Variants in TMEM117 observed in about 807,000 individuals in gnomAD.
TMEM117 encodes the protein transmembrane protein 117.
Under a neutral mutation model 52.4 loss-of-function variants are expected in TMEM117, and 27 were observed. The observed-to-expected ratio is 0.51, with a 90% CI of 0.38 to 0.71. The LOEUF (loss-of-function observed/expected upper bound fraction) is 0.71, where lower values mean the gene tolerates loss of function less well. TMEM117 is among the 30% of genes least tolerant of loss of function. TMEM117 has a pLI of 0.00. For synonymous variants in TMEM117, 215 were observed against 206.3 expected (o/e 1.04, Z -0.36); for missense variants, 556 against 630.5 (o/e 0.88, Z 1.26).
chr12:44,142,364 A>G lies in TMEM117; in HGVS notation c.411-1161A>G, dbSNP rs569312247. Among the ~76,000 whole-genome samples the G allele has an allele frequency of 1.1e-4, 17 of 152,310 alleles. No homozygotes were observed. The East Asian group carries it at 3.3e-3, about 29-fold the overall frequency. The stretch of plus-strand genomic sequence containing the variant: ...AAGGTAGGTGAATGAAGTCTGTTGA[A>G]AAAGAGTTATGTTAAGAATTTTTAA... On this transcript the variant is annotated intron_variant, in intron 3 of 7. Coordinates refer to ENST00000266534, the MANE Select transcript of TMEM117 (RefSeq NM_032256.3).
intron 3 of TMEM117, among the ~76,000 whole-genome samples, chr12:44,002,327 G>C (rs1374321792): frequency 2.0e-5 from 3 of 152,196 alleles, no homozygotes; most frequent in Admixed American, 6.5e-5. Context: ...GGAGGCCTTG[G>C]AGATGGGCAG....
intron 2 of TMEM117, among the ~76,000 whole-genome samples, chr12:43,907,776 C>T (rs1402259305): frequency 6.7e-5 from 10 of 148,646 alleles, no homozygotes; most frequent in South Asian, 2.2e-4. Context: ...TGAAATGAAG[C>T]AAGAAGGGAA....
intron 3 of TMEM117, among the ~76,000 whole-genome samples, chr12:44,069,383 A>G (rs1051151946): frequency 1.3e-5 from 2 of 152,210 alleles, no homozygotes; most frequent in Admixed American, 6.5e-5. Flanking sequence ...ACATTTCAGC[A>G]AAGTCCTGGC....
chr12:44,162,013 C>A (rs1416685205), intron 4 of TMEM117, among the ~76,000 whole-genome samples: 1 of 152,020 alleles, frequency 6.6e-6, no homozygotes, highest in African/African-American at 2.4e-5. Flanking sequence ...GGACTTTATG[C>A]AGTCATTTGG....
At chr12:44,027,972 G>A (rs1309079863) in intron 3 of TMEM117, among the ~76,000 whole-genome samples, 2 of 152,170 alleles carry the variant, frequency 1.3e-5, no homozygotes, top group Non-Finnish European at 2.9e-5. Flanking sequence ...TAGGGAGGCC[G>A]AGGTGAGCGG....
intron 3 of TMEM117, among the ~76,000 whole-genome samples, chr12:44,015,635 T>C (rs1157017755): frequency 6.6e-6 from 1 of 152,172 alleles, no homozygotes; most frequent in Non-Finnish European, 1.5e-5. Flanking sequence ...CATGTACTGG[T>C]CCAAAAATGT....
chr12:43,983,691 T>TGCCAAGGAGA (rs1945799614), intron 3 of TMEM117, among the ~76,000 whole-genome samples: 2 of 151,516 alleles, frequency 1.3e-5, no homozygotes, highest in African/African-American at 4.8e-5. Context: ...GGAATTAATC[T>TGCCAAGGAGA]ACATTGAGAA....
chr12:44,024,164 A>G (rs189776821), intron 3 of TMEM117, among the ~76,000 whole-genome samples: 2 of 152,282 alleles, frequency 1.3e-5, no homozygotes, highest in Non-Finnish European at 2.9e-5. Flanking sequence ...GTGCAGCACT[A>G]AGGAGATGTG....
chr12:44,090,607 T>TTG (rs1260443085), intron 3 of TMEM117, among the ~76,000 whole-genome samples: 2 of 151,506 alleles, frequency 1.3e-5, no homozygotes, highest in African/African-American at 4.8e-5. Flanking sequence ...CAGCTAATTT[T>TTG]TGTATTTTTA....
intron 3 of TMEM117, among the ~76,000 whole-genome samples, chr12:44,102,691 A>G (rs1947882780): frequency 6.6e-6 from 1 of 151,998 alleles, no homozygotes; most frequent in East Asian, 1.9e-4. Flanking sequence ...TTTGGTCTTA[A>G]GTTCCTCATA....
At chr12:43,816,687 G>A in the TMEM117 span, among the ~76,000 whole-genome samples, 2 of 152,102 alleles carry the variant, frequency 1.3e-5, no homozygotes, top group East Asian at 1.9e-4. Context: ...GTTTCACCTC[G>A]GTGATTTGAT....
chr12:44,062,354 A>G (rs1248591769), intron 3 of TMEM117, among the ~76,000 whole-genome samples: 3 of 152,202 alleles, frequency 2.0e-5, no homozygotes, highest in Non-Finnish European at 2.9e-5. Context: ...GCGGTTAGGT[A>G]TGCACCAGTT....
At chr12:44,100,345 G>A (rs889817117) in intron 3 of TMEM117, among the ~76,000 whole-genome samples, 1 of 151,870 alleles carries the variant, frequency 6.6e-6, no homozygotes, top group Admixed American at 6.6e-5. Flanking sequence ...ATTTTTTTAT[G>A]GGCAGTACTA....
intron 3 of TMEM117, among the ~76,000 whole-genome samples, chr12:43,971,080 C>T (rs912270729): frequency 1.3e-5 from 2 of 152,122 alleles, no homozygotes; most frequent in East Asian, 1.9e-4. Context: ...GCCAGACTTA[C>T]GTGTGTTGTT....
chr12:43,923,187 A>G (rs1385824159), intron 2 of TMEM117, among the ~76,000 whole-genome samples: 1 of 152,164 alleles, frequency 6.6e-6, no homozygotes, highest in African/African-American at 2.4e-5. Flanking sequence ...TTTATCTGGA[A>G]GGAAACACCT....
intron 2 of TMEM117, among the ~76,000 whole-genome samples, chr12:43,923,183 T>G (rs1009866235): frequency 4.6e-5 from 7 of 152,182 alleles, no homozygotes; most frequent in Middle Eastern, 3.2e-3. Flanking sequence ...GTTCTTTATC[T>G]GGAAGGAAAC....
intron 3 of TMEM117, among the ~76,000 whole-genome samples, chr12:44,127,385 G>A (rs1355074210): frequency 6.6e-6 from 1 of 151,984 alleles, no homozygotes; most frequent in Non-Finnish European, 1.5e-5. Flanking sequence ...CCAATAAAAT[G>A]ACTAAGTAAG....
intron 2 of TMEM117, among the ~76,000 whole-genome samples, chr12:43,904,797 G>C (rs186713500): frequency 3.3e-4 from 50 of 152,306 alleles, no homozygotes; most frequent in Middle Eastern, 6.8e-3. Context: ...GTCCCTTGTT[G>C]TTCCAGTTTC....
intron 6 of TMEM117, among the ~76,000 whole-genome samples, chr12:44,305,062 T>G (rs1668098708): frequency 6.6e-6 from 1 of 152,154 alleles, no homozygotes; most frequent in South Asian, 2.1e-4. Flanking sequence ...TCTGGACTCA[T>G]CCTGGGCCAG....
Sources: gnomAD v4.1 joint callset for allele counts (sites outside exome capture counted in the v4.1 genomes callset) on GRCh38, gnomAD v4.1.1 for gene constraint, MANE v1.5 for transcripts, NCBI Gene and HGNC (gene_info 2026-07-23, HGNC 2026-07-21) for gene names.